Variants in ABLIM1 observed in about 807,000 individuals in gnomAD.
The protein encoded by ABLIM1 is actin-binding LIM protein 1.
Under a neutral mutation model 107.0 loss-of-function variants are expected in ABLIM1, and 40 were observed. The ratio of observed to expected loss-of-function variants is 0.37; its 90% CI spans 0.29 to 0.49. ABLIM1 has a LOEUF of 0.49. Among genes scored for constraint, ABLIM1 ranks in the 20% least tolerant of loss-of-function variants. The pLI, the probability that ABLIM1 is intolerant of heterozygous loss-of-function variation, is 0.97. For missense variants in ABLIM1, 857 were observed against 1,008.5 expected (o/e 0.85, Z 2.04); for synonymous variants, 357 against 357.3 (o/e 1.00, Z 0.01).
chr10:114,602,066 G>A, intron 1 of ABLIM1, 105 bp from the exon 2 acceptor site: 3 of 1,440,024 alleles, frequency 2.1e-6, no homozygotes, highest in Non-Finnish European at 2.9e-6. Flanking sequence ...CACAGAGATT[G>A]ATTCGACAGT....
intron 1 of ABLIM1, among the ~76,000 whole-genome samples, chr10:114,655,728 G>A (rs901903357): frequency 7.9e-5 from 12 of 152,172 alleles, no homozygotes; most frequent in African/African-American, 2.7e-4. Context: ...AGCTTGTAAG[G>A]GGACTGGGCA....
chr10:114,509,100 G>A (rs1337101254), intron 6 of ABLIM1, among the ~76,000 whole-genome samples: 7 of 152,152 alleles, frequency 4.6e-5, no homozygotes, highest in African/African-American at 9.7e-5. Flanking sequence ...TGGAGAATGC[G>A]GAGAGCAGCT....
chr10:114,749,497 G>A (rs541261850), intron 1 of ABLIM1, among the ~76,000 whole-genome samples: 32 of 121,822 alleles, frequency 2.6e-4, no homozygotes, highest in South Asian at 5.6e-4. Flanking sequence ...ACAAAACCCA[G>A]AGATCACCAA....
intron 13 of ABLIM1, 125 bp downstream of exon 13, chr10:114,453,254 C>A: frequency 2.0e-6 from 2 of 1,007,874 alleles, no homozygotes; most frequent in Middle Eastern, 2.7e-4. Flanking sequence ...TCAGATCCTG[C>A]AATTTAGGGT....
At chr10:114,786,902 C>T in the ABLIM1 span, among the ~76,000 whole-genome samples, 2 of 152,274 alleles carry the variant, frequency 1.3e-5, no homozygotes, top group East Asian at 3.9e-4. Flanking sequence ...ATTGCAGCCT[C>T]TGCCCGGCGG....
intron 6 of ABLIM1, among the ~76,000 whole-genome samples, chr10:114,531,298 G>A (rs1254670766): frequency 1.3e-5 from 2 of 152,188 alleles, no homozygotes; most frequent in Admixed American, 6.5e-5. Flanking sequence ...GTGAGGCACT[G>A]TCTCAGATGA....
chr10:114,732,487 T>G (rs1453211498), intron 1 of ABLIM1, among the ~76,000 whole-genome samples: 1 of 151,316 alleles, frequency 6.6e-6, no homozygotes, highest in Admixed American at 6.6e-5. Context: ...ATCAGATATA[T>G]GATTTGCAAA....
At chr10:114,480,879 C>T (rs1038809591) in intron 8 of ABLIM1, among the ~76,000 whole-genome samples, 3 of 152,200 alleles carry the variant, frequency 2.0e-5, no homozygotes, top group African/African-American at 7.2e-5. Flanking sequence ...AGAGATGCCT[C>T]ATTAGAAGAC....
At chr10:114,492,138 C>T (rs1444181533) in intron 6 of ABLIM1, among the ~76,000 whole-genome samples, 2 of 151,930 alleles carry the variant, frequency 1.3e-5, no homozygotes, top group Non-Finnish European at 2.9e-5. Context: ...CTATGTCTCC[C>T]TCTTGACCTG....
At chr10:114,730,944 T>C (rs2082060373) in intron 1 of ABLIM1, among the ~76,000 whole-genome samples, 2 of 152,146 alleles carry the variant, frequency 1.3e-5, no homozygotes, top group South Asian at 2.1e-4. Context: ...CTCTTTCACT[T>C]AGTGTGTTTT....
chr10:114,465,538 T>C (rs1337781977), intron 12 of ABLIM1, 160 bp downstream of exon 12: 1 of 747,436 alleles, frequency 1.3e-6, no homozygotes, highest in Non-Finnish European at 2.0e-6. Flanking sequence ...CAAGAAAAGA[T>C]AGAGCATAAA....
At chr10:114,691,732 T>C (rs1390448002) in intron 1 of ABLIM1, among the ~76,000 whole-genome samples, 1 of 152,248 alleles carries the variant, frequency 6.6e-6, no homozygotes, top group Non-Finnish European at 1.5e-5. Flanking sequence ...CTTACTTTAG[T>C]GTGGATTTTT....
At chr10:114,780,687 G>A in the ABLIM1 span, among the ~76,000 whole-genome samples, 1 of 152,104 alleles carries the variant, frequency 6.6e-6, no homozygotes, top group African/African-American at 2.4e-5. Context: ...CCCAGTGCAG[G>A]AGCTCAGTAC....
chr10:114,515,228 CAAGGCT>C (rs1219493516), intron 6 of ABLIM1, among the ~76,000 whole-genome samples: 1 of 152,188 alleles, frequency 6.6e-6, no homozygotes, highest in East Asian at 1.9e-4. Context: ...GCGGCCATGT[CAAGGCT>C]ACCCTGCTTT....
chr10:114,635,650 G>A (rs2497678), intron 1 of ABLIM1, among the ~76,000 whole-genome samples: 2,921 of 152,266 alleles, frequency 0.019, 83 homozygotes, highest in African/African-American at 0.066. Context: ...TCAGCCTCCC[G>A]AGTAGCTGGG....
Position 114,602,378 on chromosome 10 carries a change from G to A in ABLIM1, c.245-417C>T, listed in dbSNP as rs141903744. Among the ~76,000 whole-genome samples the A allele has an allele frequency of 7.0e-3, 1,066 of 152,266 alleles. 13 individuals are homozygous for A. Among genetic ancestry groups the A allele is most frequent in the African/African-American group, 0.024 (1,009 of 41,558 alleles). ...TTGAAGATGGGGACCATTTCTTAAA[G>A]TTTATCCTTTTTGTCTCACCAGTTG... On this transcript the variant is annotated intron_variant, in intron 1 of 22. Coordinates refer to ENST00000533213, the MANE Select transcript of ABLIM1 (RefSeq NM_002313.7).
intron 1 of ABLIM1, among the ~76,000 whole-genome samples, chr10:114,725,400 A>C (rs2081935574): frequency 6.6e-6 from 1 of 152,220 alleles, no homozygotes; most frequent in Admixed American, 6.5e-5. Context: ...TAGACCATCT[A>C]TACAATAAAT....
intron 1 of ABLIM1, among the ~76,000 whole-genome samples, chr10:114,617,324 C>T (rs1189986331): frequency 2.0e-5 from 3 of 146,772 alleles, no homozygotes; most frequent in African/African-American, 5.1e-5. Context: ...TGCAATGGCG[C>T]GATCTTGGCT....
upstream of ABLIM1, among the ~76,000 whole-genome samples, chr10:114,686,267 G>T (rs1566238242): frequency 6.6e-6 from 1 of 152,238 alleles, no homozygotes; most frequent in Non-Finnish European, 1.5e-5. Context: ...CCAGCAGTTT[G>T]GGAGGCCGAG....
Sources: gnomAD v4.1 joint callset for allele counts (sites outside exome capture counted in the v4.1 genomes callset) on GRCh38, gnomAD v4.1.1 for gene constraint, MANE v1.5 for transcripts, NCBI Gene and HGNC (gene_info 2026-07-23, HGNC 2026-07-21) for gene names.